SNX10: variants seen among roughly 807,000 people sequenced by gnomAD.
SNX10 encodes the protein sorting nexin 10.
In SNX10, 25 loss-of-function variants were observed where a neutral mutation model predicts 28.5. The ratio of observed to expected loss-of-function variants is 0.88; its 90% CI spans 0.64 to 1.22. The LOEUF is 1.22. Ranked by LOEUF, SNX10 falls within the 50% of genes most tolerant of loss-of-function variation. The pLI is 0.00. For missense variants in SNX10, 223 were observed against 242.6 expected, an observed-to-expected ratio of 0.92 and a Z score of 0.54; for synonymous variants, 62 against 81.4, an observed-to-expected ratio of 0.76 and a Z score of 1.28.
intron 1 of SNX10, among the ~76,000 whole-genome samples, chr7:26,297,183 G>A (rs1172091708): frequency 6.6e-6 from 1 of 152,188 alleles, no homozygotes; most frequent in Admixed American, 6.5e-5. Flanking sequence ...TGCAACCTCT[G>A]CCTCCTGGGT....
At chr7:26,322,604 C>T (rs1787352310) in intron 1 of SNX10, among the ~76,000 whole-genome samples, 1 of 152,128 alleles carries the variant, frequency 6.6e-6, no homozygotes, top group South Asian at 2.1e-4. Flanking sequence ...AATTTAATTC[C>T]TTGAATCCAG....
chr7:26,326,737 A>T (rs1787517555), intron 1 of SNX10, among the ~76,000 whole-genome samples: 1 of 151,874 alleles, frequency 6.6e-6, no homozygotes, highest in Non-Finnish European at 1.5e-5. Context: ...TTATTTTTCC[A>T]TATTTTTTGA....
intron 1 of SNX10, among the ~76,000 whole-genome samples, chr7:26,320,779 C>T (rs1411206282): frequency 6.6e-6 from 1 of 152,224 alleles, no homozygotes; most frequent in Middle Eastern, 3.2e-3. Flanking sequence ...TATGTACACA[C>T]TTAATGGAAT....
At chr7:26,332,658 A>G (rs1400256914) in intron 1 of SNX10, among the ~76,000 whole-genome samples, 1 of 152,172 alleles carries the variant, frequency 6.6e-6, no homozygotes, top group African/African-American at 2.4e-5. Context: ...CCAAGGCCAT[A>G]GAGACTAACT....
chr7:26,314,344 G>C (rs140695452), intron 1 of SNX10, among the ~76,000 whole-genome samples: 1 of 150,506 alleles, frequency 6.6e-6, no homozygotes. Flanking sequence ...TGCAACCTCT[G>C]CCTCCATTCA....
chr7:26,330,712 A>C (rs1281505729), intron 1 of SNX10, among the ~76,000 whole-genome samples: 3 of 152,054 alleles, frequency 2.0e-5, no homozygotes, highest in Admixed American at 6.6e-5. Context: ...TGTTTTGGAC[A>C]TGAGGGTTGT....
intron 1 of SNX10, among the ~76,000 whole-genome samples, chr7:26,339,699 A>G (rs1417518834): frequency 6.6e-6 from 1 of 151,578 alleles, no homozygotes; most frequent in Non-Finnish European, 1.5e-5. Flanking sequence ...GGCGCCTGCC[A>G]CCATGCCTGG....
At chr7:26,306,670 G>A (rs771422047) in intron 1 of SNX10, among the ~76,000 whole-genome samples, 5 of 152,090 alleles carry the variant, frequency 3.3e-5, no homozygotes, top group Non-Finnish European at 7.3e-5. Flanking sequence ...CAAAGCACTG[G>A]GATTACAGGC....
intron 1 of SNX10, among the ~76,000 whole-genome samples, chr7:26,319,248 C>T (rs1288872392): frequency 6.6e-6 from 1 of 152,184 alleles, no homozygotes; most frequent in Non-Finnish European, 1.5e-5. Context: ...CTATTATCTC[C>T]TCCTTGAGGA....
At chr7:26,295,428 C>T (rs1296916575) in intron 1 of SNX10, among the ~76,000 whole-genome samples, 1 of 152,150 alleles carries the variant, frequency 6.6e-6, no homozygotes, top group Non-Finnish European at 1.5e-5. Flanking sequence ...TCTTCAGATT[C>T]TTACGTGGTC....
In SNX10 at chr7:26,299,259, G is replaced by T. The variant is rs866402176; in HGVS notation, c.-24+7173G>T. Among the ~76,000 whole-genome samples, 12 of 152,086 alleles carry T rather than the reference G, an allele frequency of 7.9e-5. No homozygotes were observed. In the South Asian group the frequency reaches 2.3e-3, roughly 29 times the overall value. On this transcript the variant is annotated intron_variant, in intron 1 of 6. Coordinates refer to ENST00000338523, the MANE Select transcript of SNX10 (RefSeq NM_013322.3). The stretch of plus-strand genomic sequence containing the variant: ...TGCCCAGGCTGGAGTGCGGTGGTGC[G>T]ATCTCGGCTCACTGCAACTTCTGCC...
intron 1 of SNX10, among the ~76,000 whole-genome samples, chr7:26,292,510 A>G (rs1785963611): frequency 6.6e-6 from 1 of 152,058 alleles, no homozygotes; most frequent in African/African-American, 2.4e-5. Flanking sequence ...GAGTTGAGGA[A>G]TTGGGAGGGG....
chr7:26,303,319 AAAACT>A (rs1786450588), intron 1 of SNX10, among the ~76,000 whole-genome samples: 21 of 152,200 alleles, frequency 1.4e-4, no homozygotes, highest in Admixed American at 1.4e-3. Context: ...TGGAAAGTCA[AAAACT>A]GAAGCTGCAC....
chr7:26,336,322 G>A (rs547829554), intron 1 of SNX10, among the ~76,000 whole-genome samples: 5 of 151,618 alleles, frequency 3.3e-5, no homozygotes, highest in Middle Eastern at 3.4e-3. Context: ...AATGACTACT[G>A]TTAATTCTTA....
At chr7:26,316,807 CTGAGTATTTT>C (rs1787109585) in intron 1 of SNX10, among the ~76,000 whole-genome samples, 1 of 152,274 alleles carries the variant, frequency 6.6e-6, no homozygotes, top group Non-Finnish European at 1.5e-5. Flanking sequence ...CCCTAAGCTG[CTGAGTATTTT>C]TGGGCGCTTT....
chr7:26,348,716 C>T (rs949121140), intron 2 of SNX10, among the ~76,000 whole-genome samples: 9 of 152,196 alleles, frequency 5.9e-5, no homozygotes, highest in African/African-American at 2.2e-4. Flanking sequence ...AGGATCCAAA[C>T]CTCCTTCTTT....
rs1277728253 is a variant in SNX10 at position 26,373,956 on chromosome 7, TCTTTA to T, written c.*1385_*1389del. The T allele has an allele frequency of 6.6e-6, 1 of 152,032 alleles. No homozygotes were observed. Among genetic ancestry groups the T allele is most frequent in the Non-Finnish European group, 1.5e-5 (1 of 67,890 alleles). 9.4% of individuals were successfully genotyped at this position (152,032 alleles called of 1,614,324 possible). A position where few individuals can be genotyped will look rare whatever the true frequency, so the allele number is the denominator to read the frequency against. On this transcript the variant is annotated 3_prime_UTR_variant, in exon 7 of 7. Transcript: ENST00000338523. The surrounding 1 kb of genome is among the most constrained non-coding windows in gnomAD (Gnocchi z 4.2). ...AATTAAATTTAGAATAAGAATGATTTCTTTAATTTGTCCTTTTTTTCTTTGGTCTA... is the reference window on the plus strand; with the variant it reads ...AATTAAATTTAGAATAAGAATGATTTATTTGTCCTTTTTTTCTTTGGTCTA...
intron 1 of SNX10, among the ~76,000 whole-genome samples, chr7:26,313,456 A>C (rs149401782): frequency 1.3e-5 from 2 of 151,968 alleles, no homozygotes. Context: ...TGCTTAACTG[A>C]GCTTTTTGTG....
intron 2 of SNX10, chr7:26,354,121 A>C (rs10229953): frequency 2.6e-5 from 4 of 152,310 alleles, no homozygotes; most frequent in African/African-American, 9.6e-5. Context: ...AAAATTTTAA[A>C]AAACACACCT....
Sources: allele counts gnomAD v4.1 joint callset (sites outside exome capture counted in the v4.1 genomes callset), GRCh38; gene constraint gnomAD v4.1.1; non-coding constraint Gnocchi (gnomAD v3.1); transcripts MANE v1.5; gene names NCBI Gene and HGNC (gene_info 2026-07-23, HGNC 2026-07-21).